The following RTF2 variants were observed in gnomAD, a reference collection of about 807,000 sequenced individuals.
RTF2 encodes UPF0549 protein C20orf43.
A neutral mutation model predicts 38.0 loss-of-function variants in RTF2; 18 were observed. The observed-to-expected ratio is 0.47, with a 90% CI of 0.33 to 0.70. RTF2 has a LOEUF of 0.70. Ranked by LOEUF, RTF2 falls within the 30% of genes least tolerant of loss-of-function variation. The probability of loss-of-function intolerance (pLI) is 0.02; values close to 1 mark genes in which losing one functional copy is unlikely to be tolerated. For synonymous variants in RTF2, 126 were observed against 137.1 expected (o/e 0.92, Z 0.57); for missense variants, 311 against 379.6 (o/e 0.82, Z 1.50).
At chr20:56,483,664 A>G (rs933358234) in intron 4 of RTF2, among the ~76,000 whole-genome samples, 9 of 152,152 alleles carry the variant, frequency 5.9e-5, no homozygotes, top group African/African-American at 1.9e-4. Context: ...TAGGTAAAAA[A>G]TGATGTGTCC....
chr20:56,474,200 G>A (rs1408911987), intron 2 of RTF2, among the ~76,000 whole-genome samples: 4 of 152,146 alleles, frequency 2.6e-5, no homozygotes, highest in Admixed American at 6.6e-5. Flanking sequence ...CTAATTTCTG[G>A]CTGGACCCAT....
Position 56,479,417 on chromosome 20 carries a change from G to C in RTF2, c.398+2293G>C, listed in dbSNP as rs940728395. 9.2e-5 allele frequency among the ~76,000 whole-genome samples: 14 copies of C among 151,998 alleles called. 1 individual carries two copies. The East Asian group carries it at 2.7e-3, about 29-fold the overall frequency. ...ATGTTTATATTTTTAGTAGAGACAGGGTTTACCATATTGGCCGGGCTGGTC... is the reference window on the plus strand; with the variant it reads ...ATGTTTATATTTTTAGTAGAGACAGCGTTTACCATATTGGCCGGGCTGGTC... On this transcript the variant is annotated intron_variant, in intron 4 of 8. Transcript: ENST00000357348.
Position 56,468,749 on chromosome 20 carries a change from C to T in RTF2, c.52C>T (p.Pro18Ser). ...IPKRHELVKG[P>S]KKVEKVDKDA... ...CAAGAGGCATGAACTGGTGAAGGGG[C>T]CGAAGAAGGTTGAGAAGGTCAGTGA... The change falls in exon 1 of 9, where the codon CCG (proline) becomes TCG (serine). Residue 18 changes from proline to serine, a missense_variant. Coordinates refer to ENST00000357348, the MANE Select transcript of RTF2 (RefSeq NM_016407.5). The T allele has an allele frequency of 1.3e-6, 2 of 1,587,098 alleles. No homozygotes were observed. The highest frequency in any genetic ancestry group is 1.7e-6 in the Non-Finnish European group (2 of 1,167,024).
In RTF2 at chr20:56,468,680, T is replaced by A. The variant is rs372927705; in HGVS notation, c.-18T>A. ...ACAGCTTTGGGGGTTTGCTGCTGGC[T>A]CTGACTCCCGTCCTGCGATGGGTTG... On this transcript the variant is annotated 5_prime_UTR_variant, in exon 1 of 9. Transcript: ENST00000357348. The A allele has an allele frequency of 8.3e-5, 130 of 1,565,856 alleles. No homozygotes were observed. The African/African-American group carries it at 1.7e-3, about 20-fold the overall frequency.
intron 5 of RTF2, chr20:56,491,610 G>GC (rs1568699112): frequency 6.4e-7 from 1 of 1,551,852 alleles, no homozygotes; most frequent in African/African-American, 1.4e-5. Flanking sequence ...TGCCAGTGTG[G>GC]CTCTATAGGA....
chr20:56,513,784 G>GCTGT, intron 6 of RTF2: 1 of 233,718 alleles, frequency 4.3e-6, no homozygotes, highest in Non-Finnish European at 8.8e-6. Context: ...CGTTGCTGCT[G>GCTGT]CTGTCACTTA....
At chr20:56,497,116 A>G (rs1269669542) in intron 5 of RTF2, 1 of 1,551,696 alleles carries the variant, frequency 6.4e-7, no homozygotes, top group East Asian at 2.4e-5. Context: ...GAGGAAATAA[A>G]AACGTTTTCA....
intron 5 of RTF2, among the ~76,000 whole-genome samples, chr20:56,508,408 C>G (rs956728564): frequency 1.1e-4 from 16 of 152,176 alleles, no homozygotes; most frequent in African/African-American, 3.9e-4. Context: ...GTTAAAATTA[C>G]TGTTCCAGTT....
chr20:56,505,168 C>A (rs369084987), intron 5 of RTF2, among the ~76,000 whole-genome samples: 54 of 152,198 alleles, frequency 3.5e-4, no homozygotes, highest in African/African-American at 1.2e-3. Context: ...TGCCTCTCTT[C>A]CCCTGCATCT....
At chr20:56,517,234 C>G (rs772711496) in intron 8 of RTF2, 33 bp downstream of exon 8, 4 of 1,584,088 alleles carry the variant, frequency 2.5e-6, no homozygotes, top group Non-Finnish European at 3.5e-6. Flanking sequence ...GGAGCTGTTT[C>G]GAGAAGGCTG....
chr20:56,477,344 C>T (rs1200371497), intron 4 of RTF2, among the ~76,000 whole-genome samples: 4 of 152,058 alleles, frequency 2.6e-5, no homozygotes, highest in South Asian at 2.1e-4. Flanking sequence ...TGCGGCCTTC[C>T]GTTCTTGAGG....
chr20:56,472,285 C>T lies in RTF2; in HGVS notation c.70-1016C>T, dbSNP rs572992652. ...TTGTCTTCTTTTTTTCTTTTCTCTT[C>T]CTATTTTCTTCCAAATGTGCTGTCC... On this transcript the variant is annotated intron_variant, in intron 1 of 8. Coordinates refer to ENST00000357348, the MANE Select transcript of RTF2 (RefSeq NM_016407.5). 1.9e-4 allele frequency: 206 copies of T among 1,077,462 alleles called. No homozygotes were observed. The African/African-American group carries it at 2.8e-3, about 15-fold the overall frequency. 66.7% of individuals were successfully genotyped at this position (1,077,462 alleles called of 1,614,324 possible).
At chr20:56,492,378 C>G (rs772367854) in intron 5 of RTF2, among the ~76,000 whole-genome samples, 8 of 148,062 alleles carry the variant, frequency 5.4e-5, no homozygotes, top group Non-Finnish European at 1.2e-4. Flanking sequence ...GTGCCTGGCA[C>G]TGCTTTTTAT....
In RTF2 at chr20:56,516,757, C is replaced by T. The variant is rs911402792; in HGVS notation, c.592-178C>T. On this transcript the variant is annotated intron_variant, in intron 6 of 8. Coordinates refer to ENST00000357348, the MANE Select transcript of RTF2 (RefSeq NM_016407.5). Reference sequence around the variant, plus strand: ...AGAAGTGCATGACTGGTGTCACATGCAGAGGGTGAAGGCTTTAGGAGTTAC... The same window carrying T: ...AGAAGTGCATGACTGGTGTCACATGTAGAGGGTGAAGGCTTTAGGAGTTAC... The T allele has an allele frequency of 8.0e-5, 52 of 653,320 alleles. 1 individual carries two copies. The South Asian group carries it at 8.7e-4, about 11-fold the overall frequency. The allele number at this position is 653,320 out of a possible 1,614,324, so 40.5% of individuals were successfully genotyped here.
intron 5 of RTF2, among the ~76,000 whole-genome samples, chr20:56,498,043 G>A (rs545236661): frequency 2.6e-5 from 4 of 152,158 alleles, no homozygotes; most frequent in South Asian, 2.1e-4. Context: ...TTAGTTCCCT[G>A]TAGTTTTACT....
At chr20:56,501,091 C>G (rs149721196) in intron 5 of RTF2, among the ~76,000 whole-genome samples, 2 of 152,112 alleles carry the variant, frequency 1.3e-5, no homozygotes, top group East Asian at 3.9e-4. Flanking sequence ...GCAGTCAGGC[C>G]CTCTATTGTA....
intron 5 of RTF2, among the ~76,000 whole-genome samples, chr20:56,489,107 G>T (rs952020376): frequency 6.6e-6 from 1 of 152,072 alleles, no homozygotes. Context: ...CCAGGCTGGG[G>T]TGCAGTGGTG....
intron 1 of RTF2, chr20:56,471,077 C>A (rs1036571831): frequency 6.4e-5 from 12 of 186,418 alleles, no homozygotes; most frequent in African/African-American, 2.3e-4. Flanking sequence ...CATCTAAAGT[C>A]GGGGTAGGGA....
chr20:56,494,235 T>A (rs2870744), intron 5 of RTF2, among the ~76,000 whole-genome samples: 2 of 152,092 alleles, frequency 1.3e-5, no homozygotes, highest in East Asian at 3.9e-4. Flanking sequence ...GCTAGTGATG[T>A]TAAGAACTTT....
Sources: allele counts gnomAD v4.1 joint callset (sites outside exome capture counted in the v4.1 genomes callset), GRCh38; gene constraint gnomAD v4.1.1; transcripts MANE v1.5; gene names NCBI Gene and HGNC (gene_info 2026-07-23, HGNC 2026-07-21).